Variants in INTS6 observed in about 807,000 individuals in gnomAD.
INTS6 encodes the protein DEAD box protein.
INTS6 carries 16 observed loss-of-function variants against 104.9 expected under a neutral mutation model. The ratio of observed to expected loss-of-function variants is 0.15; its 90% CI spans 0.10 to 0.23. The LOEUF is 0.23. Ranked by LOEUF, INTS6 falls within the 10% of genes least tolerant of loss-of-function variation. The pLI is 1.00. For synonymous variants in INTS6, 324 were observed against 358.7 expected, an observed-to-expected ratio of 0.90 and a Z score of 1.09; for missense variants, 584 against 1,062.8, an observed-to-expected ratio of 0.55 and a Z score of 6.26.
intron 3 of INTS6, among the ~76,000 whole-genome samples, chr13:51,434,369 AAAT>A (rs1957148510): frequency 1.3e-5 from 2 of 152,182 alleles, no homozygotes; most frequent in African/African-American, 2.4e-5. Flanking sequence ...ACACAAGATA[AAAT>A]AATAAGTTCT....
At chr13:51,422,828 A>G (rs1956919621) in intron 4 of INTS6, among the ~76,000 whole-genome samples, 1 of 152,046 alleles carries the variant, frequency 6.6e-6, no homozygotes, top group Non-Finnish European at 1.5e-5. Flanking sequence ...TCCATACTCC[A>G]GGTGTACAAT....
intron 4 of INTS6, among the ~76,000 whole-genome samples, chr13:51,408,461 A>G (rs1956618662): frequency 6.6e-6 from 1 of 152,160 alleles, no homozygotes; most frequent in African/African-American, 2.4e-5. Flanking sequence ...TTTTATTAAT[A>G]AGTCAGAAAG....
chr13:51,447,164 T>C (rs1015783290), intron 3 of INTS6: 2 of 152,232 alleles, frequency 1.3e-5, no homozygotes, highest in African/African-American at 4.8e-5. Context: ...TACTTTCATT[T>C]GAAAAGATGT....
At chr13:51,447,589 A>G (rs1952944533) in intron 3 of INTS6, 1 of 152,100 alleles carries the variant, frequency 6.6e-6, no homozygotes, top group South Asian at 2.1e-4. Flanking sequence ...CATAGTAGGA[A>G]AGGTGCCATT....
chr13:51,361,003 TC>T (rs2137826352), downstream of INTS6, among the ~76,000 whole-genome samples: 2 of 152,168 alleles, frequency 1.3e-5, no homozygotes, highest in East Asian at 3.9e-4. Context: ...GGGGCAGTGC[TC>T]TGAATATTAT....
At chr13:51,357,361 C>G (rs946204243), downstream of INTS6, among the ~76,000 whole-genome samples, 3 of 152,116 alleles carry the variant, frequency 2.0e-5, no homozygotes, top group Non-Finnish European at 4.4e-5. Context: ...GAAACAAAAT[C>G]ATTTACTTAT....
At chr13:51,417,768 C>A (rs1015535348) in intron 4 of INTS6, among the ~76,000 whole-genome samples, 4 of 152,042 alleles carry the variant, frequency 2.6e-5, no homozygotes, top group African/African-American at 9.7e-5. Context: ...GAAAATTATT[C>A]TTTTCTCATT....
downstream of INTS6, among the ~76,000 whole-genome samples, chr13:51,352,005 T>C (rs1015864625): frequency 6.6e-6 from 1 of 152,160 alleles, no homozygotes; most frequent in Non-Finnish European, 1.5e-5. Flanking sequence ...TAGATATTTG[T>C]ATATTTGCCA....
intron 6 of INTS6, 55 bp from the exon 7 acceptor site, chr13:51,387,595 T>C (rs1438486569): frequency 2.3e-6 from 3 of 1,318,906 alleles, no homozygotes; most frequent in Non-Finnish European, 2.0e-6. Context: ...GGGATAAGCA[T>C]AAAAAGTTAA....
At chr13:51,336,816 T>C in the INTS6 span, among the ~76,000 whole-genome samples, 3 of 152,232 alleles carry the variant, frequency 2.0e-5, no homozygotes, top group Non-Finnish European at 2.9e-5. Flanking sequence ...GCCAGCCCAC[T>C]GTGCTCTCTC....
rs967830142 is a variant in INTS6, at chr13:51,364,910, T to G, written c.*842A>C. The stretch of plus-strand genomic sequence containing the variant: ...AGTGATAAAGGAAAAGGTGTTGAAG[T>G]AAGGAAACCAATAATATCCAAAGTT... On this transcript the variant is annotated 3_prime_UTR_variant, in exon 18 of 18. Transcript: ENST00000311234. 6.6e-6 allele frequency: 1 copy of G among 152,022 alleles called. No homozygotes were observed. Among genetic ancestry groups the G allele is most frequent in the African/African-American group, 2.4e-5 (1 of 41,416 alleles). The allele number at this position is 152,022 out of a possible 1,614,324, so 9.4% of individuals were successfully genotyped here.
intron 4 of INTS6, among the ~76,000 whole-genome samples, chr13:51,426,647 T>G: frequency 6.6e-6 from 1 of 152,128 alleles, no homozygotes. Context: ...AACTTAAATA[T>G]TAAGAACCAG....
intron 3 of INTS6, chr13:51,440,660 C>G (rs753626048): frequency 5.9e-5 from 9 of 152,164 alleles, no homozygotes; most frequent in Non-Finnish European, 2.9e-5. Flanking sequence ...TCTGTTTAGA[C>G]ACATGAATGC....
intron 11 of INTS6, among the ~76,000 whole-genome samples, chr13:51,378,705 A>G (rs1955983812): frequency 1.3e-5 from 2 of 152,030 alleles, no homozygotes; most frequent in South Asian, 4.1e-4. Context: ...TTATTATTTT[A>G]TTTATTAATA....
chr13:51,452,561 G>T lies in INTS6; in HGVS notation c.-36C>A, dbSNP rs199507935. ...GGGGACACCGGGGCCCGAGGTGGTGGAGAAAGAGGAGATGGTAGAGGTGGA... is the reference window on the plus strand; with the variant it reads ...GGGGACACCGGGGCCCGAGGTGGTGTAGAAAGAGGAGATGGTAGAGGTGGA... On this transcript the variant is annotated 5_prime_UTR_variant, in exon 1 of 18. Transcript: ENST00000311234. The surrounding 1 kb of genome is among the most constrained non-coding windows in gnomAD (Gnocchi z 4.2). 1.9e-6 allele frequency: 3 copies of T among 1,601,252 alleles called. No individual in the cohort carries two copies. In the South Asian group the frequency reaches 3.3e-5, roughly 18 times the overall value.
At chr13:51,437,723 T>A (rs560156408) in intron 3 of INTS6, 1 of 152,336 alleles carries the variant, frequency 6.6e-6, no homozygotes, top group South Asian at 2.1e-4. Flanking sequence ...TAAGGCATAA[T>A]GTGAGGCCGG....
chr13:51,403,956 T>A (rs1242623380), intron 4 of INTS6, among the ~76,000 whole-genome samples: 1 of 151,876 alleles, frequency 6.6e-6, no homozygotes, highest in Non-Finnish European at 1.5e-5. Flanking sequence ...ATGTGGTGGT[T>A]CACACCTGTC....
At chr13:51,373,241 T>C (rs1955849726) in intron 15 of INTS6, among the ~76,000 whole-genome samples, 1 of 151,982 alleles carries the variant, frequency 6.6e-6, no homozygotes, top group East Asian at 1.9e-4. Flanking sequence ...AAAGGCAGTA[T>C]TGGATACTTC....
chr13:51,432,456 A>G (rs1435285795), intron 3 of INTS6, among the ~76,000 whole-genome samples: 5 of 132,702 alleles, frequency 3.8e-5, no homozygotes, highest in African/African-American at 1.5e-4. Context: ...ACAATTTATT[A>G]AAAAAAAAAA....
Sources: allele counts gnomAD v4.1 joint callset (sites outside exome capture counted in the v4.1 genomes callset), GRCh38; gene constraint gnomAD v4.1.1; non-coding constraint Gnocchi (gnomAD v3.1); transcripts MANE v1.5; gene names NCBI Gene and HGNC (gene_info 2026-07-23, HGNC 2026-07-21).